The following CHTOP variants were observed in gnomAD, a reference collection of about 807,000 sequenced individuals.
The protein encoded by CHTOP is chromatin target of PRMT1 protein.
CHTOP carries 18 observed loss-of-function variants against 33.6 expected under a neutral mutation model. That is an observed-to-expected ratio of 0.54 (90% CI 0.37 to 0.80). CHTOP has a LOEUF of 0.80. CHTOP is among the 30% of genes least tolerant of loss of function. CHTOP has a pLI of 0.00. For missense variants in CHTOP, 263 were observed against 336.8 expected (o/e 0.78, Z 1.71); for synonymous variants, 117 against 127.7 (o/e 0.92, Z 0.56).
chr1:153,636,727 C>G, intron 2 of CHTOP, 74 bp downstream of exon 2: 1 of 1,294,308 alleles, frequency 7.7e-7, no homozygotes, highest in Non-Finnish European at 1.1e-6. Context: ...GTCCAATGCA[C>G]AAAGCCAATT....
Position 153,639,088 on chromosome 1 carries a change from A to G in CHTOP, c.219+640A>G, listed in dbSNP as rs377185768. 1.8e-3 allele frequency among the ~76,000 whole-genome samples: 271 copies of G among 152,120 alleles called. 5 individuals are homozygous for G. In the South Asian group the frequency reaches 0.035, roughly 20 times the overall value. On this transcript the variant is annotated intron_variant, in intron 3 of 5. Transcript: ENST00000368694. ...AATAGAGACAGGGTTTCACCATACT[A>G]GCCAGGATGGTCTCGATCTCCTGAC...
At position 153,645,083 on chromosome 1, in the gene CHTOP, G is replaced by A. The variant is rs755336339; in HGVS notation, c.561G>A (p.Arg187=). Reference sequence around the variant, plus strand: ...GGCCAGGTCGGGGTATGATAGGTCGGGGAAGAGGGGGCTTTGGAGGCCGAG... The same window carrying A: ...GGCCAGGTCGGGGTATGATAGGTCGAGGAAGAGGGGGCTTTGGAGGCCGAG... ...IGGRGRGMIG[R]GRGGFGGRGR... The change falls in exon 6 of 6, where the codon CGG becomes CGA. Residue 187 remains arginine (R), a synonymous_variant. Transcript: ENST00000368694. 3.7e-6 allele frequency: 6 copies of A among 1,613,080 alleles called. No individual in the cohort carries two copies. Among genetic ancestry groups the A allele is most frequent in the South Asian group, 2.2e-5 (2 of 91,060 alleles).
At chr1:153,642,129 G>A (rs1668647013) in intron 3 of CHTOP, 117 bp from the exon 4 acceptor site, 1 of 792,196 alleles carries the variant, frequency 1.3e-6, no homozygotes, top group Non-Finnish European at 2.0e-6. Context: ...CCCACAACAG[G>A]TTTATCTCCC....
rs1668816116 is a variant in CHTOP, at chr1:153,646,061, G to C, written c.*792G>C. ...TAGAGGATCAGAAGCCATTTGATTT[G>C]GTAGGTGTGTCAGAAGGGAGAATGA... On this transcript the variant is annotated 3_prime_UTR_variant, in exon 6 of 6. Transcript: ENST00000368694. 1 of 152,236 alleles carries C rather than the reference G, an allele frequency of 6.6e-6. No homozygotes were observed. Among genetic ancestry groups the C allele is most frequent in the African/African-American group, 2.4e-5 (1 of 41,448 alleles). The allele number at this position is 152,236 out of a possible 1,614,324, so 9.4% of individuals were successfully genotyped here.
In CHTOP at chr1:153,643,060, G is replaced by C. The variant is rs950548530; in HGVS notation, c.404-167G>C. On this transcript the variant is annotated intron_variant, in intron 4 of 5. Transcript: ENST00000368694. The stretch of plus-strand genomic sequence containing the variant: ...GATTTGTGGTCAGACTTGTTGAATT[G>C]ATTGAATAAAGAGTAGCTTAATCTG... The C allele has an allele frequency of 1.7e-5, 13 of 748,048 alleles. No homozygotes were observed. In the African/African-American group the frequency reaches 2.3e-4, roughly 13 times the overall value. 46.3% of individuals were successfully genotyped at this position (748,048 alleles called of 1,614,324 possible).
At chr1:153,644,750 TA>T (rs1463749042) in intron 5 of CHTOP, among the ~76,000 whole-genome samples, 3 of 152,240 alleles carry the variant, frequency 2.0e-5, no homozygotes, top group African/African-American at 7.2e-5. Flanking sequence ...TCTCAAATGT[TA>T]GGTAATTTTA....
chr1:153,638,872 C>G (rs1314542078), intron 3 of CHTOP, among the ~76,000 whole-genome samples: 1 of 133,922 alleles, frequency 7.5e-6, no homozygotes, highest in African/African-American at 2.9e-5. Context: ...TGGCCTTAGT[C>G]AAAGGTTTTC....
chr1:153,643,766 T>TA (rs1668709373), intron 5 of CHTOP: 1 of 154,286 alleles, frequency 6.5e-6, no homozygotes, highest in South Asian at 2.0e-4. Context: ...GAGAGAGAGA[T>TA]ACAAAGATGA....
Position 153,643,178 on chromosome 1 carries a change from T to G in CHTOP, c.404-49T>G, listed in dbSNP as rs200262639. Reference sequence around the variant, plus strand: ...GCCTTCCTTTGGTTAGAATCTACTTTGTGTCTCTTGGATTTACCTGCATAT... The same window carrying G: ...GCCTTCCTTTGGTTAGAATCTACTTGGTGTCTCTTGGATTTACCTGCATAT... On this transcript the variant is annotated intron_variant, in intron 4 of 5. Transcript: ENST00000368694. 3.1e-6 allele frequency: 5 copies of G among 1,610,918 alleles called. No homozygotes were observed. The East Asian group carries it at 1.1e-4, about 36-fold the overall frequency.
chr1:153,644,136 C>T (rs1557942063), intron 5 of CHTOP: 1 of 152,198 alleles, frequency 6.6e-6, no homozygotes, highest in Admixed American at 6.5e-5. Context: ...CTTTGGTTCT[C>T]TTAAAAGGTG....
Position 153,640,186 on chromosome 1 carries a change from A to AT in CHTOP, c.219+1746dup, listed in dbSNP as rs572728862. On this transcript the variant is annotated intron_variant, in intron 3 of 5. Coordinates refer to ENST00000368694, the MANE Select transcript of CHTOP (RefSeq NM_015607.4). ...GTGACTAGTGCAATTAAGGAGCTTA[A>AT]TTTTTTTTAATTTAATTTTAGGCCA... Among the ~76,000 whole-genome samples, 71 of 152,148 alleles carry AT rather than the reference A, an allele frequency of 4.7e-4. No homozygotes were observed. In the South Asian group the frequency reaches 0.013, roughly 29 times the overall value.
intron 3 of CHTOP, among the ~76,000 whole-genome samples, chr1:153,639,138 C>G (rs1489961080): frequency 6.6e-6 from 1 of 152,164 alleles, no homozygotes; most frequent in Non-Finnish European, 1.5e-5. Context: ...GCCTCGGCCT[C>G]CCAAAGTGCT....
At chr1:153,642,888 T>G (rs2101692733) in intron 4 of CHTOP, 2 of 346,862 alleles carry the variant, frequency 5.8e-6, no homozygotes, top group East Asian at 8.0e-5. Context: ...GTATAGTTCT[T>G]GTTCCCTAGA....
intron 3 of CHTOP, 76 bp downstream of exon 3, chr1:153,638,524 TG>T (rs1256730273): frequency 6.5e-7 from 1 of 1,538,680 alleles, no homozygotes; most frequent in African/African-American, 1.4e-5. Context: ...TGTCAGGACG[TG>T]ATGGATGATT....
intron 1 of CHTOP, 185 bp downstream of exon 1, chr1:153,634,528 G>A (rs61805740): frequency 0.092 from 13,348 of 144,368 alleles, 907 homozygotes; most frequent in African/African-American, 0.2. Flanking sequence ...ACCTGGTGGC[G>A]GGATTGATGG....
At chr1:153,639,538 C>T (rs756854875) in intron 3 of CHTOP, 6 of 257,806 alleles carry the variant, frequency 2.3e-5, no homozygotes, top group Non-Finnish European at 2.4e-5. Flanking sequence ...AACCATTGGG[C>T]TCACTGACCA....
At chr1:153,636,166 C>T (rs1668389862) in intron 1 of CHTOP, among the ~76,000 whole-genome samples, 1 of 151,398 alleles carries the variant, frequency 6.6e-6, no homozygotes, top group Admixed American at 6.6e-5. Flanking sequence ...TGGCTTCAAA[C>T]CATCCTGTGC....
rs1011702016 is a variant in CHTOP at position 153,645,821 on chromosome 1, T to C, written c.*552T>C. The C allele has an allele frequency of 1.9e-5, 3 of 156,812 alleles. No individual in the cohort carries two copies. The highest frequency in any genetic ancestry group is 4.8e-5 in the African/African-American group (2 of 41,468). 9.7% of individuals were successfully genotyped at this position (156,812 alleles called of 1,614,324 possible). A position where few individuals can be genotyped will look rare whatever the true frequency, so the allele number is the denominator to read the frequency against. Reference sequence around the variant, plus strand: ...TTGATAATTTAGTAAACTGAGAACATTGACATCACTACAGGGCAGCATAAG... The same window carrying C: ...TTGATAATTTAGTAAACTGAGAACACTGACATCACTACAGGGCAGCATAAG... On this transcript the variant is annotated 3_prime_UTR_variant, in exon 6 of 6. Transcript: ENST00000368694.
chr1:153,641,889 C>G (rs187383447), intron 3 of CHTOP, among the ~76,000 whole-genome samples: 1 of 152,182 alleles, frequency 6.6e-6, no homozygotes, highest in African/African-American at 2.4e-5. Flanking sequence ...ACCTGTAGTT[C>G]AAAAGCAGTA....
Sources: allele counts gnomAD v4.1 joint callset (sites outside exome capture counted in the v4.1 genomes callset), GRCh38; gene constraint gnomAD v4.1.1; transcripts MANE v1.5; gene names NCBI Gene and HGNC (gene_info 2026-07-23, HGNC 2026-07-21).